The following PTPRE variants were observed in gnomAD, a reference collection of about 807,000 sequenced individuals.
The protein encoded by PTPRE is protein tyrosine phosphatase receptor type E, also known as receptor-type tyrosine-protein phosphatase epsilon.
In PTPRE, 51 loss-of-function variants were observed where a neutral mutation model predicts 102.0. That is an observed-to-expected ratio of 0.50 (90% CI 0.40 to 0.63). The LOEUF is 0.63. Among genes scored for constraint, PTPRE ranks in the 30% least tolerant of loss-of-function variants. PTPRE has a pLI of 0.00. For synonymous variants in PTPRE, 345 were observed against 348.2 expected (o/e 0.99, Z 0.10); for missense variants, 752 against 915.1 (o/e 0.82, Z 2.30).
At chr10:128,065,245 C>G (rs76415306) in intron 10 of PTPRE, among the ~76,000 whole-genome samples, 1 of 152,168 alleles carries the variant, frequency 6.6e-6, no homozygotes, top group Non-Finnish European at 1.5e-5. Flanking sequence ...GGCTTGACCA[C>G]GAGCTGTGCT....
At chr10:127,913,716 T>C (rs1291817546) in intron 1 of PTPRE, among the ~76,000 whole-genome samples, 1 of 152,130 alleles carries the variant, frequency 6.6e-6, no homozygotes, top group Non-Finnish European at 1.5e-5. Flanking sequence ...AAATGGAAGC[T>C]CCTGTCCAGG....
intron 1 of PTPRE, among the ~76,000 whole-genome samples, chr10:127,918,610 G>A (rs1846380388): frequency 6.6e-6 from 1 of 151,504 alleles, no homozygotes; most frequent in Admixed American, 6.6e-5. Flanking sequence ...GAAAATTATT[G>A]AAGGAGCTTG....
intron 2 of PTPRE, among the ~76,000 whole-genome samples, chr10:127,993,695 G>A (rs1299827774): frequency 6.6e-6 from 1 of 152,118 alleles, no homozygotes; most frequent in African/African-American, 2.4e-5. Context: ...TTAAAACCCG[G>A]GGTCACTCGT....
intron 2 of PTPRE, among the ~76,000 whole-genome samples, chr10:128,024,592 C>T (rs1846160665): frequency 6.6e-6 from 1 of 152,152 alleles, no homozygotes; most frequent in African/African-American, 2.4e-5. Flanking sequence ...TTGAAATTAT[C>T]CCTTAACAGA....
chr10:128,036,667 C>T (rs893497837), intron 2 of PTPRE, among the ~76,000 whole-genome samples: 1 of 152,168 alleles, frequency 6.6e-6, no homozygotes, highest in African/African-American at 2.4e-5. Context: ...CCACTTATCA[C>T]CCACATCCCA....
At chr10:127,952,539 G>T (rs528471046) in intron 1 of PTPRE, among the ~76,000 whole-genome samples, 1 of 152,262 alleles carries the variant, frequency 6.6e-6, no homozygotes, top group South Asian at 2.1e-4. Context: ...ATTGTGGGCT[G>T]CAACAAAATG....
rs145275675 is a variant in PTPRE, at chr10:127,923,064, C to G, written c.-31+15755C>G. Among the ~76,000 whole-genome samples, 368 of 152,350 alleles carry G rather than the reference C, an allele frequency of 2.4e-3. 1 individual carries two copies. The highest frequency in any genetic ancestry group is 8.3e-3 in the African/African-American group (346 of 41,580). On this transcript the variant is annotated intron_variant, in intron 1 of 20. Coordinates refer to ENST00000254667, the MANE Select transcript of PTPRE (RefSeq NM_006504.6). The stretch of plus-strand genomic sequence containing the variant: ...CTAACTTGAGCGTCTGGCGGCATTC[C>G]CAGCCTGCACTCCTGTCCCAGGCAG...
rs981800090 is a variant in PTPRE at position 128,085,034 on chromosome 10, G to A, written c.*2128G>A. 3 of 453,632 alleles carry A rather than the reference G, an allele frequency of 6.6e-6. No individual in the cohort carries two copies. The Admixed American group carries it at 7.1e-5, about 11-fold the overall frequency. The allele number at this position is 453,632 out of a possible 1,614,324, so 28.1% of individuals were successfully genotyped here. Reference sequence around the variant, plus strand: ...CTTAGACCAACCCCAGGTGTCCACTGCAGGGGTTCTGCCTGTTCCCAAACT... The same window carrying A: ...CTTAGACCAACCCCAGGTGTCCACTACAGGGGTTCTGCCTGTTCCCAAACT... On this transcript the variant is annotated 3_prime_UTR_variant, in exon 21 of 21. Coordinates refer to ENST00000254667, the MANE Select transcript of PTPRE (RefSeq NM_006504.6).
At chr10:127,933,684 A>G (rs1205804342) in intron 1 of PTPRE, among the ~76,000 whole-genome samples, 1 of 152,218 alleles carries the variant, frequency 6.6e-6, no homozygotes, top group African/African-American at 2.4e-5. Context: ...GCTCCCTGGC[A>G]TTTAACAGAG....
rs569898532 is a variant in PTPRE, at chr10:128,031,310, G to A, written c.-7-9565G>A. 4.1e-4 allele frequency among the ~76,000 whole-genome samples: 62 copies of A among 152,310 alleles called. 1 individual carries two copies. Among genetic ancestry groups the A allele is most frequent in the Non-Finnish European group, 6.6e-4 (45 of 68,024 alleles). On this transcript the variant is annotated intron_variant, in intron 2 of 20. Coordinates refer to ENST00000254667, the MANE Select transcript of PTPRE (RefSeq NM_006504.6). ...GAGGCCTGGGGTGCAGCTGGCCAGC[G>A]TCTCCTCTGTCAGCCACACCCCTGA...
chr10:128,071,052 G>C, intron 15 of PTPRE, 151 bp downstream of exon 15: 1 of 703,390 alleles, frequency 1.4e-6, no homozygotes, highest in Non-Finnish European at 2.3e-6. Context: ...CCTGTGTGCT[G>C]TACCAAATGT....
intron 1 of PTPRE, among the ~76,000 whole-genome samples, chr10:127,941,282 G>T (rs922900117): frequency 2.0e-5 from 3 of 152,252 alleles, no homozygotes; most frequent in Non-Finnish European, 2.9e-5. Context: ...CAGCATTGCT[G>T]AACAGCTGCC....
chr10:128,034,855 A>G (rs1847081977), intron 2 of PTPRE, among the ~76,000 whole-genome samples: 1 of 152,242 alleles, frequency 6.6e-6, no homozygotes, highest in Non-Finnish European at 1.5e-5. Context: ...TGAATGAAAC[A>G]TATTAGGAAC....
intron 1 of PTPRE, among the ~76,000 whole-genome samples, chr10:127,930,699 C>G (rs927636549): frequency 3.3e-5 from 5 of 152,182 alleles, no homozygotes; most frequent in Admixed American, 3.3e-4. Flanking sequence ...CAACTACTTT[C>G]TGTCATGGGT....
intron 2 of PTPRE, among the ~76,000 whole-genome samples, chr10:128,011,503 C>T (rs1034219607): frequency 6.6e-6 from 1 of 152,184 alleles, no homozygotes; most frequent in Non-Finnish European, 1.5e-5. Flanking sequence ...GTGGCTTACC[C>T]GACGGTGCCA....
chr10:128,034,337 G>A (rs985414889), intron 2 of PTPRE, among the ~76,000 whole-genome samples: 4 of 137,006 alleles, frequency 2.9e-5, no homozygotes, highest in African/African-American at 8.9e-5. Flanking sequence ...CCCCCCCACC[G>A]ACACACACAC....
chr10:127,958,290 G>A (rs1250817816), intron 1 of PTPRE, among the ~76,000 whole-genome samples: 1 of 152,172 alleles, frequency 6.6e-6, no homozygotes, highest in Non-Finnish European at 1.5e-5. Flanking sequence ...GTGGGAAAAT[G>A]TCTAGTTTCT....
Position 128,066,212 on chromosome 10 carries a change from C to G in PTPRE, c.843+18C>G, listed in dbSNP as rs757005124. 6.2e-7 allele frequency: 1 copy of G among 1,610,940 alleles called. No individual in the cohort carries two copies. Among genetic ancestry groups the G allele is most frequent in the Non-Finnish European group, 8.5e-7 (1 of 1,177,544 alleles). On this transcript the variant is annotated intron_variant, in intron 11 of 20. Coordinates refer to ENST00000254667, the MANE Select transcript of PTPRE (RefSeq NM_006504.6). ...TACAGCCAGTAAGCATCTCTAGTTG[C>G]TGCCCTTCCAGAAAGATCATTTTCA...
At chr10:127,979,276 A>G (rs950613990) in intron 1 of PTPRE, among the ~76,000 whole-genome samples, 9 of 152,132 alleles carry the variant, frequency 5.9e-5, no homozygotes, top group African/African-American at 2.2e-4. Flanking sequence ...CTGTCTGCTC[A>G]AACCAACCTC....
Sources: gnomAD v4.1 joint callset for allele counts (sites outside exome capture counted in the v4.1 genomes callset) on GRCh38, gnomAD v4.1.1 for gene constraint, MANE v1.5 for transcripts, NCBI Gene and HGNC (gene_info 2026-07-23, HGNC 2026-07-21) for gene names.